Variants in COL4A4 observed in about 807,000 individuals in gnomAD.
COL4A4 encodes the protein collagen type IV alpha 4 chain.
Under a neutral mutation model 192.9 loss-of-function variants are expected in COL4A4, and 105 were observed. The ratio of observed to expected loss-of-function variants is 0.54; its 90% CI spans 0.46 to 0.64. COL4A4 has a LOEUF of 0.64. Among genes scored for constraint, COL4A4 ranks in the 30% least tolerant of loss-of-function variants. COL4A4 has a pLI of 0.00. For synonymous variants in COL4A4, 762 were observed against 769.9 expected (o/e 0.99, Z 0.17); for missense variants, 1,967 against 2,169.3 (o/e 0.91, Z 1.85).
intron 26 of COL4A4, among the ~76,000 whole-genome samples, chr2:227,060,927 C>T (rs550118648): frequency 6.6e-6 from 1 of 152,158 alleles, no homozygotes; most frequent in South Asian, 2.1e-4. Flanking sequence ...CAGGGTTTCA[C>T]CGTGTTAGCC....
In COL4A4 at chr2:227,050,064, A is replaced by C; in HGVS notation, c.3214+4T>G. ...CAGATGGCTTCTGTATCTCCAAACC[A>C]TACCTTTAGGTCCTCTTGCTCCATC... On this transcript the variant is annotated splice_donor_region_variant and intron_variant, in intron 34 of 47. Coordinates refer to ENST00000396625, the MANE Select transcript of COL4A4 (RefSeq NM_000092.5). 1.2e-6 allele frequency: 2 copies of C among 1,613,938 alleles called. No homozygotes were observed. Among genetic ancestry groups the C allele is most frequent in the Middle Eastern group, 1.6e-4 (1 of 6,062 alleles).
At chr2:226,980,859 A>G in the COL4A4 span, among the ~76,000 whole-genome samples, 3 of 152,204 alleles carry the variant, frequency 2.0e-5, no homozygotes, top group Non-Finnish European at 2.9e-5. Flanking sequence ...GTTTTATTTT[A>G]CTAGAATTTA....
At chr2:227,117,019 T>C (rs2061524792) in intron 7 of COL4A4, among the ~76,000 whole-genome samples, 1 of 152,240 alleles carries the variant, frequency 6.6e-6, no homozygotes. Flanking sequence ...TTTAGTTTTT[T>C]CATTTCCTTA....
chr2:227,144,850 G>A (rs1036087216), intron 2 of COL4A4, among the ~76,000 whole-genome samples: 1 of 152,148 alleles, frequency 6.6e-6, no homozygotes, highest in African/African-American at 2.4e-5. Flanking sequence ...GGACAGATGA[G>A]TGAAAGAAGA....
At chr2:227,067,586 T>C (rs918725225) in intron 25 of COL4A4, among the ~76,000 whole-genome samples, 3 of 151,994 alleles carry the variant, frequency 2.0e-5, no homozygotes, top group Non-Finnish European at 4.4e-5. Context: ...CTCAACTACA[T>C]GGAAACTGAA....
intron 6 of COL4A4, among the ~76,000 whole-genome samples, 173 bp from the exon 7 acceptor site, chr2:227,118,934 A>C (rs564273589): frequency 6.6e-5 from 10 of 152,272 alleles, no homozygotes; most frequent in African/African-American, 2.4e-4. Context: ...ATAAAACCTA[A>C]ATTTTTTTTA....
intron 37 of COL4A4, among the ~76,000 whole-genome samples, chr2:227,041,845 AAAGAGAAAGAAAGAAAGAAAGAAAG>A (rs1971271503): frequency 1.2e-5 from 1 of 83,174 alleles, no homozygotes; most frequent in African/African-American, 6.7e-5. Context: ...AGAAAGAAAG[AAAGAGAAAGAAAGAAAGAAAGAAAG>A]AAAGAAAGAA....
intron 34 of COL4A4, among the ~76,000 whole-genome samples, chr2:227,048,456 T>C (rs1176781657): frequency 3.3e-5 from 5 of 152,198 alleles, no homozygotes; most frequent in Admixed American, 6.5e-5. Context: ...TCATGAGCTG[T>C]CCTGATGTAG....
chr2:227,101,688 A>C, intron 16 of COL4A4, 131 bp from the exon 17 acceptor site: 1 of 1,091,072 alleles, frequency 9.2e-7, no homozygotes, highest in Non-Finnish European at 1.4e-6. Context: ...CATCAGTTGC[A>C]TCAGACAATC....
intron 4 of COL4A4, among the ~76,000 whole-genome samples, chr2:227,128,907 C>A (rs947788747): frequency 1.3e-5 from 2 of 152,154 alleles, no homozygotes; most frequent in African/African-American, 4.8e-5. Flanking sequence ...CCTTTCCGCA[C>A]ACCCGCCAAC....
chr2:227,122,171 C>T (rs1406835505), intron 4 of COL4A4, among the ~76,000 whole-genome samples: 1 of 152,196 alleles, frequency 6.6e-6, no homozygotes, highest in Non-Finnish European at 1.5e-5. Flanking sequence ...CCCCATCTCC[C>T]TTCTGGGGTC....
chr2:227,032,163 G>T lies in COL4A4; in HGVS notation c.3691C>A (p.Pro1231Thr), dbSNP rs1968565608. The T allele has an allele frequency of 1.2e-6, 2 of 1,614,038 alleles. No individual in the cohort carries two copies. The highest frequency in any genetic ancestry group is 1.7e-5 in the Admixed American group (1 of 60,012). Residue 1231 changes from proline (P) to threonine (T), a missense_variant, in exon 39 of 48, where the codon CCC (proline) becomes ACC (threonine). Physicochemically the swap from Pro to Thr is conservative, Grantham distance 38 (BLOSUM62 -1). Coordinates refer to ENST00000396625, the MANE Select transcript of COL4A4 (RefSeq NM_000092.5). ...SPPGPRGKKG[P>T]PGPPGSSGPP... The stretch of plus-strand genomic sequence containing the variant: ...TACAGCTTACCTGGGGGTCCTGGGG[G>T]ACCTTTCTTTCCACGAGGACCTGGA...
rs769466087 is a variant in COL4A4, at chr2:227,077,970, T to G, written c.1911A>C (p.Pro637=). Residue 637 remains proline, a synonymous_variant, in exon 25 of 48, where the codon CCA becomes CCC. Coordinates refer to ENST00000396625, the MANE Select transcript of COL4A4 (RefSeq NM_000092.5). ...VGPPGLGFPG[P]PGERGHPGVP... The stretch of plus-strand genomic sequence containing the variant: ...CTCCTGGGTGGCCTCGCTCTCCTGG[T>G]GGACCAGGAAATCCCAGTCCTGGGG... 6.2e-7 allele frequency: 1 copy of G among 1,613,832 alleles called. No individual in the cohort carries two copies. Among genetic ancestry groups the G allele is most frequent in the Non-Finnish European group, 8.5e-7 (1 of 1,180,008 alleles).
At chr2:227,045,809 T>TACAC (rs1384057403) in intron 35 of COL4A4, among the ~76,000 whole-genome samples, 2 of 62,856 alleles carry the variant, frequency 3.2e-5, no homozygotes, top group African/African-American at 1.6e-4. Flanking sequence ...CACATATATA[T>TACAC]ATATATACAC....
chr2:227,126,030 C>G (rs945766541), intron 4 of COL4A4, among the ~76,000 whole-genome samples: 6 of 152,158 alleles, frequency 3.9e-5, no homozygotes, highest in Non-Finnish European at 8.8e-5. Context: ...TCCCTGGCTC[C>G]CGTTCTGAGG....
Position 227,003,897 on chromosome 2 carries a change from C to T in COL4A4, c.*3428G>A, listed in dbSNP as rs372841624. The T allele has an allele frequency of 4.5e-4, 69 of 152,248 alleles. No homozygotes were observed. Among genetic ancestry groups the T allele is most frequent in the African/African-American group, 1.6e-3 (67 of 41,538 alleles). The allele number at this position is 152,248 out of a possible 1,614,324, so 9.4% of individuals were successfully genotyped here. A position where few individuals can be genotyped will look rare whatever the true frequency, so the allele number is the denominator to read the frequency against. On this transcript the variant is annotated 3_prime_UTR_variant, in exon 48 of 48. Transcript: ENST00000396625. Reference sequence around the variant, plus strand: ...TTTTGAAAGCTTATCAATTGGCTTTCTGGCAATAATTGTAACAAGAGAATG... The same window carrying T: ...TTTTGAAAGCTTATCAATTGGCTTTTTGGCAATAATTGTAACAAGAGAATG...
rs532350063 is a variant in COL4A4 at position 227,086,348 on chromosome 2, G to A, written c.1623+2305C>T. ...GCGAGAGCACCCCATAGTCTGCACC[G>A]TCTTTCATGCTCTTCTGTCTGTCCT... On this transcript the variant is annotated intron_variant, in intron 22 of 47. Transcript: ENST00000396625. Among the ~76,000 whole-genome samples the A allele has an allele frequency of 3.9e-5, 6 of 152,184 alleles. No individual in the cohort carries two copies. The East Asian group carries it at 1.2e-3, about 29-fold the overall frequency.
chr2:226,992,699 C>T, the COL4A4 span, among the ~76,000 whole-genome samples: 2 of 152,170 alleles, frequency 1.3e-5, no homozygotes, highest in Non-Finnish European at 2.9e-5. Flanking sequence ...GAGCTTCCCA[C>T]ATGTCCATAT....
chr2:226,982,632 T>C, the COL4A4 span, among the ~76,000 whole-genome samples: 1 of 152,210 alleles, frequency 6.6e-6, no homozygotes, highest in Non-Finnish European at 1.5e-5. Flanking sequence ...TGAATTGTGT[T>C]CCAAAGTATA....
Sources: allele counts gnomAD v4.1 joint callset (sites outside exome capture counted in the v4.1 genomes callset), GRCh38; gene constraint gnomAD v4.1.1; transcripts MANE v1.5; gene names NCBI Gene and HGNC (gene_info 2026-07-23, HGNC 2026-07-21).